CDH26: variants seen among roughly 807,000 people sequenced by gnomAD.
The protein encoded by CDH26 is cadherin-like protein 26.
In CDH26, 83 loss-of-function variants were observed where a neutral mutation model predicts 90.3. That is an observed-to-expected ratio of 0.92 (90% CI 0.77 to 1.10). CDH26 has a LOEUF of 1.10. CDH26 is among the 50% of genes least tolerant of loss of function. The pLI, the probability that CDH26 is intolerant of heterozygous loss-of-function variation, is 0.00. For synonymous variants in CDH26, 397 were observed against 396.3 expected (o/e 1.00, Z -0.02); for missense variants, 1,013 against 1,037.6 (o/e 0.98, Z 0.33).
chr20:60,017,154 A>G (rs2061912196), downstream of CDH26, among the ~76,000 whole-genome samples: 1 of 151,886 alleles, frequency 6.6e-6, no homozygotes, highest in South Asian at 2.1e-4. Context: ...AGCTATCTCT[A>G]CTTGTTTTGT....
At chr20:60,021,897 C>CACACACACACACACACACACACAT (rs1295572684) in intron 7 of CDH26, among the ~76,000 whole-genome samples, 21 of 78,980 alleles carry the variant, frequency 2.7e-4, no homozygotes, top group Middle Eastern at 7.0e-3. Flanking sequence ...CACACACACA[C>CACACACACACACACACACACACAT]ATATATATAT....
intron 17 of CDH26, 98 bp from the exon 18 acceptor site, chr20:60,012,429 A>G (rs35858953): frequency 0.43 from 480,952 of 1,112,650 alleles, 110,975 homozygotes; most frequent in Non-Finnish European, 0.48. Context: ...GAGTGCTGTT[A>G]CTACTGCATT....
chr20:60,033,797 G>A (rs1292423241), exon 9 of CDH26: 3 of 1,173,892 alleles, frequency 2.6e-6, no homozygotes, highest in Admixed American at 7.5e-5. Flanking sequence ...GTGTGTGTGT[G>A]TGTGTGTGAT....
chr20:59,993,879 C>T (rs1055930854), intron 10 of CDH26, among the ~76,000 whole-genome samples: 3 of 152,200 alleles, frequency 2.0e-5, no homozygotes, highest in Admixed American at 6.5e-5. Context: ...AACGCGGAGA[C>T]GCAGCGCATT....
intron 4 of CDH26, among the ~76,000 whole-genome samples, chr20:59,977,025 C>T (rs1455609805): frequency 6.6e-6 from 1 of 152,090 alleles, no homozygotes; most frequent in Non-Finnish European, 1.5e-5. Flanking sequence ...TGATCCCTGA[C>T]TGGACTTGAA....
rs2062029148 is a variant in CDH26, at chr20:60,030,127, A to G, written c.948-1104A>G. Among the ~76,000 whole-genome samples the G allele has an allele frequency of 6.6e-6, 1 of 152,176 alleles. No individual in the cohort carries two copies. The stretch of plus-strand genomic sequence containing the variant: ...GATATGTTAATATAAAAAAAGACAT[A>G]TATTGAATATCTACAATCTGATATG... On this transcript the variant is annotated intron_variant, in intron 7 of 8. Transcript: ENST00000370991. This position sits in a 1 kb window ranked among gnomAD's most constrained non-coding sequence, Gnocchi z 4.0.
intron 9 of CDH26, among the ~76,000 whole-genome samples, chr20:59,990,008 C>T (rs1260780633): frequency 1.3e-5 from 2 of 152,200 alleles, no homozygotes; most frequent in Admixed American, 1.3e-4. Flanking sequence ...AACTCTGTCT[C>T]CATTAACCAC....
At chr20:60,011,332 T>C (rs7270861) in intron 17 of CDH26, among the ~76,000 whole-genome samples, 12,600 of 152,270 alleles carry the variant, frequency 0.083, 1,681 homozygotes, top group African/African-American at 0.28. Context: ...CTCACTATGA[T>C]GTATTTAATG....
intron 1 of CDH26, among the ~76,000 whole-genome samples, chr20:59,968,147 G>A (rs1374086055): frequency 2.0e-5 from 3 of 148,772 alleles, no homozygotes; most frequent in Non-Finnish European, 4.4e-5. Context: ...GCCCAGGCTG[G>A]AGTGCAGTGG....
chr20:59,972,348 G>A (rs1260854624), intron 4 of CDH26, among the ~76,000 whole-genome samples: 1 of 152,202 alleles, frequency 6.6e-6, no homozygotes, highest in Non-Finnish European at 1.5e-5. Context: ...GCTGCTATAG[G>A]TCTTTATTCT....
chr20:59,971,521 A>G (rs1343686658), intron 3 of CDH26, among the ~76,000 whole-genome samples: 1 of 152,188 alleles, frequency 6.6e-6, no homozygotes, highest in Non-Finnish European at 1.5e-5. Flanking sequence ...ATAAATTGGT[A>G]TGTGTGGTTC....
chr20:59,992,245 C>A lies in CDH26; in HGVS notation c.1284-133C>A. 1.2e-6 allele frequency: 1 copy of A among 858,956 alleles called. No individual in the cohort carries two copies. The allele number at this position is 858,956 out of a possible 1,614,324, so 53.2% of individuals were successfully genotyped here. A position where few individuals can be genotyped will look rare whatever the true frequency, so the allele number is the denominator to read the frequency against. ...ATTAAACACTCTCGTAGTTTAATTGCTCTTAGAATTTCTCAAATTACTTGT... is the reference window on the plus strand; with the variant it reads ...ATTAAACACTCTCGTAGTTTAATTGATCTTAGAATTTCTCAAATTACTTGT... On this transcript the variant is annotated intron_variant, in intron 9 of 17. Coordinates refer to ENST00000348616, the MANE Select transcript of CDH26 (RefSeq NM_177980.4). The surrounding 1 kb of genome is among the most constrained non-coding windows in gnomAD (Gnocchi z 5.0).
intron 4 of CDH26, among the ~76,000 whole-genome samples, chr20:59,979,057 A>G (rs2061359705): frequency 6.6e-6 from 1 of 152,068 alleles, no homozygotes; most frequent in African/African-American, 2.4e-5. Context: ...TCTCCCTCCC[A>G]ATACATTTAC....
chr20:60,018,026 A>G (rs1359041353), downstream of CDH26, among the ~76,000 whole-genome samples: 1 of 152,206 alleles, frequency 6.6e-6, no homozygotes, highest in South Asian at 2.1e-4. Context: ...GTATCCTAAC[A>G]TATGGCCTCT....
chr20:59,975,038 T>G (rs776717702), intron 4 of CDH26, among the ~76,000 whole-genome samples: 1 of 151,962 alleles, frequency 6.6e-6, no homozygotes, highest in Non-Finnish European at 1.5e-5. Flanking sequence ...CTTAATCATG[T>G]TAGATGAAGG....
chr20:60,004,013 G>A (rs769357398), intron 16 of CDH26, among the ~76,000 whole-genome samples: 3 of 152,202 alleles, frequency 2.0e-5, no homozygotes, highest in Admixed American at 2.0e-4. Context: ...TCTGGTGCAA[G>A]GGTACTTTGT....
At chr20:59,978,249 G>A (rs1215846028) in intron 4 of CDH26, among the ~76,000 whole-genome samples, 1 of 152,166 alleles carries the variant, frequency 6.6e-6, no homozygotes, top group Non-Finnish European at 1.5e-5. Flanking sequence ...CATTTGGAAG[G>A]CTGATAGTTG....
At chr20:59,980,483 A>G (rs1460707180) in intron 4 of CDH26, among the ~76,000 whole-genome samples, 1 of 151,746 alleles carries the variant, frequency 6.6e-6, no homozygotes, top group African/African-American at 2.4e-5. Flanking sequence ...TTTTTAGTAG[A>G]CACTGGGTTT....
chr20:60,011,668 A>G (rs1368465805), intron 17 of CDH26, among the ~76,000 whole-genome samples: 1 of 152,194 alleles, frequency 6.6e-6, no homozygotes, highest in East Asian at 1.9e-4. Flanking sequence ...TTAATTTACA[A>G]CAACAGGTGG....
Sources: allele counts gnomAD v4.1 joint callset (sites outside exome capture counted in the v4.1 genomes callset), GRCh38; gene constraint gnomAD v4.1.1; non-coding constraint Gnocchi (gnomAD v3.1); transcripts MANE v1.5; gene names NCBI Gene and HGNC (gene_info 2026-07-23, HGNC 2026-07-21).